Variants in AMPH observed in about 807,000 individuals in gnomAD.
The protein encoded by AMPH is amphiphysin.
In AMPH, 49 loss-of-function variants were observed where a neutral mutation model predicts 99.1. That is an observed-to-expected ratio of 0.49 (90% confidence interval 0.39 to 0.63). The LOEUF (loss-of-function observed/expected upper bound fraction) is 0.63, where lower values mean the gene tolerates loss of function less well. Among genes scored for constraint, AMPH ranks in the 20% least tolerant of loss-of-function variants. The pLI, the probability that AMPH is intolerant of heterozygous loss-of-function variation, is 0.00. For missense variants in AMPH, 759 were observed against 863.4 expected, an observed-to-expected ratio of 0.88 and a Z score of 1.52; for synonymous variants, 314 against 317.3, an observed-to-expected ratio of 0.99 and a Z score of 0.11.
chr7:38,512,193 A>G (rs1317413269), intron 2 of AMPH, among the ~76,000 whole-genome samples: 1 of 152,206 alleles, frequency 6.6e-6, no homozygotes, highest in African/African-American at 2.4e-5. Context: ...CTTCTAGTGT[A>G]TGTCCTTCCT....
intron 11 of AMPH, among the ~76,000 whole-genome samples, chr7:38,445,196 T>C (rs1217975743): frequency 6.6e-6 from 1 of 151,672 alleles, no homozygotes; most frequent in African/African-American, 2.4e-5. Context: ...GTAAGAATAC[T>C]TTTCAACAAT....
chr7:38,566,944 G>C (rs1459351499), intron 1 of AMPH, among the ~76,000 whole-genome samples: 1 of 152,204 alleles, frequency 6.6e-6, no homozygotes, highest in Non-Finnish European at 1.5e-5. Flanking sequence ...GTTGGTGGGC[G>C]TGTAAATTAG....
chr7:38,392,114 G>A, intron 18 of AMPH, 97 bp from the exon 19 acceptor site: 1 of 1,301,334 alleles, frequency 7.7e-7, no homozygotes, highest in Non-Finnish European at 1.1e-6. Flanking sequence ...CCAAAGCTGG[G>A]GCTGCCACTT....
intron 17 of AMPH, among the ~76,000 whole-genome samples, chr7:38,402,664 T>G (rs1784874399): frequency 6.6e-6 from 1 of 152,192 alleles, no homozygotes; most frequent in South Asian, 2.1e-4. Context: ...GCCTGGATGC[T>G]TCAGAAAGGA....
rs370502380 is a variant in AMPH at position 38,466,215 on chromosome 7, G to A, written c.624C>T (p.Asn208=). The A allele has an allele frequency of 1.8e-5, 28 of 1,593,566 alleles. No individual in the cohort carries two copies. The East Asian group carries it at 1.8e-4, about 10-fold the overall frequency. ...RVGFYVNTFK[N]VSSLEAKFHK... ...GAAACTTGGCTTCAAGGCTGGAGAC[G>A]TTTTTGAAAGTATTAACATAAAATC... The change falls in exon 8 of 21, where the codon AAC becomes AAT. Residue 208 remains asparagine, a synonymous_variant. Transcript: ENST00000356264.
intron 11 of AMPH, among the ~76,000 whole-genome samples, chr7:38,444,973 A>G: frequency 1.4e-5 from 1 of 69,554 alleles, no homozygotes; most frequent in Non-Finnish European, 2.6e-5. Context: ...TGGTCCAGAA[A>G]TATATCCATA....
intron 11 of AMPH, among the ~76,000 whole-genome samples, chr7:38,457,818 T>A (rs928214129): frequency 6.6e-6 from 1 of 152,230 alleles, no homozygotes; most frequent in Admixed American, 6.5e-5. Context: ...GAGAAAAGCA[T>A]CTGTTTATTT....
intron 1 of AMPH, among the ~76,000 whole-genome samples, chr7:38,573,739 T>C (rs1792132084): frequency 6.6e-6 from 1 of 152,240 alleles, no homozygotes; most frequent in African/African-American, 2.4e-5. Context: ...CTTCTGATTA[T>C]TTCATGGTTT....
intron 1 of AMPH, among the ~76,000 whole-genome samples, chr7:38,608,507 T>C (rs1584299664): frequency 6.6e-6 from 1 of 152,174 alleles, no homozygotes; most frequent in East Asian, 1.9e-4. Flanking sequence ...CTCTAGGCTT[T>C]TGGGGTTCTG....
intron 1 of AMPH, among the ~76,000 whole-genome samples, chr7:38,575,961 C>T (rs1214348100): frequency 6.6e-6 from 1 of 152,148 alleles, no homozygotes; most frequent in African/African-American, 2.4e-5. Flanking sequence ...CTTCCTCCAC[C>T]ACTGTTATAG....
intron 18 of AMPH, among the ~76,000 whole-genome samples, chr7:38,393,267 C>A (rs3778887): frequency 8.5e-5 from 13 of 152,096 alleles, no homozygotes; most frequent in African/African-American, 1.4e-4. Flanking sequence ...TTTAAGTAAC[C>A]CTGGAGAAAT....
chr7:38,396,203 TC>T (rs77196912), intron 17 of AMPH, among the ~76,000 whole-genome samples: 8,832 of 152,226 alleles, frequency 0.058, 357 homozygotes, highest in East Asian at 0.19. Flanking sequence ...ATCTTGTAGG[TC>T]CCATAATTCC....
chr7:38,536,185 T>C (rs1790591705), intron 1 of AMPH, among the ~76,000 whole-genome samples: 1 of 152,160 alleles, frequency 6.6e-6, no homozygotes, highest in Admixed American at 6.5e-5. Context: ...AGACACAGCA[T>C]AGAGTCTCTT....
chr7:38,610,385 A>G (rs1389342207), intron 1 of AMPH, among the ~76,000 whole-genome samples: 2 of 128,666 alleles, frequency 1.6e-5, no homozygotes, highest in Admixed American at 7.6e-5. Context: ...AAGGAAAGGA[A>G]AAGAAAAGAA....
intron 1 of AMPH, among the ~76,000 whole-genome samples, chr7:38,623,890 T>A (rs1794152148): frequency 6.6e-6 from 1 of 152,192 alleles, no homozygotes; most frequent in African/African-American, 2.4e-5. Flanking sequence ...CAATCAACAT[T>A]GCACTGAAGC....
chr7:38,393,387 G>A (rs910362031), intron 18 of AMPH, among the ~76,000 whole-genome samples: 2 of 152,170 alleles, frequency 1.3e-5, no homozygotes, highest in African/African-American at 4.8e-5. Flanking sequence ...ATGGAGGCAG[G>A]CCCTGGGGTT....
At chr7:38,451,225 A>G (rs966768801) in intron 11 of AMPH, among the ~76,000 whole-genome samples, 3 of 151,792 alleles carry the variant, frequency 2.0e-5, no homozygotes, top group Non-Finnish European at 4.4e-5. Context: ...GAATTGAAAA[A>G]GAGAGAGAAA....
At chr7:38,525,277 T>TATATATATATAGAGAG (rs1481528083) in intron 2 of AMPH, among the ~76,000 whole-genome samples, 38 of 86,646 alleles carry the variant, frequency 4.4e-4, no homozygotes, top group African/African-American at 1.2e-3. Flanking sequence ...TATATATATA[T>TATATATATATAGAGAG]AGAGAGAGAG....
At position 38,612,087 on chromosome 7, in the gene AMPH, CTT is replaced by C. The variant is rs56111676; in HGVS notation, c.69+19194_69+19195del. Among the ~76,000 whole-genome samples the C allele has an allele frequency of 5.1e-5, 5 of 97,388 alleles. No homozygotes were observed. The East Asian group carries it at 1.1e-3, about 22-fold the overall frequency. The allele number at this position is 97,388 out of a possible 152,430, so 63.9% of individuals were successfully genotyped here. On this transcript the variant is annotated intron_variant, in intron 1 of 20. Transcript: ENST00000356264. ...GCTAAGACTGATTTTTTGTCTTCTT[CTT>C]TTTTTTTTTTTTTTTTTTTGAGATG...
Sources: gnomAD v4.1 joint callset for allele counts (sites outside exome capture counted in the v4.1 genomes callset) on GRCh38, gnomAD v4.1.1 for gene constraint, MANE v1.5 for transcripts, NCBI Gene and HGNC (gene_info 2026-07-23, HGNC 2026-07-21) for gene names.